The following KCNQ5 variants were observed in gnomAD, a reference collection of about 807,000 sequenced individuals.
The protein encoded by KCNQ5 is potassium voltage-gated channel subfamily Q member 5.
Under a neutral mutation model 98.2 loss-of-function variants are expected in KCNQ5, and 30 were observed. The ratio of observed to expected loss-of-function variants is 0.31; its 90% CI spans 0.23 to 0.41. The LOEUF is 0.41. Among genes scored for constraint, KCNQ5 ranks in the 10% least tolerant of loss-of-function variants. KCNQ5 has a pLI of 1.00. For missense variants in KCNQ5, 835 were observed against 1,182.5 expected (o/e 0.71, Z 4.31); for synonymous variants, 458 against 449.4 (o/e 1.02, Z -0.24).
chr6:72,982,900 T>C (rs976825055), intron 1 of KCNQ5, among the ~76,000 whole-genome samples: 1 of 152,224 alleles, frequency 6.6e-6, no homozygotes, highest in Non-Finnish European at 1.5e-5. Flanking sequence ...TGCTTGTCTG[T>C]AAAGGATTTT....
intron 6 of KCNQ5, among the ~76,000 whole-genome samples, chr6:73,105,741 GT>G (rs1177445294): frequency 6.6e-6 from 1 of 152,168 alleles, no homozygotes; most frequent in Non-Finnish European, 1.5e-5. Flanking sequence ...AGAGACAGAT[GT>G]GCACAATGGA....
chr6:73,182,935 A>C (rs554893886), intron 11 of KCNQ5, among the ~76,000 whole-genome samples: 39 of 152,320 alleles, frequency 2.6e-4, no homozygotes, highest in African/African-American at 8.9e-4. Flanking sequence ...AAAACATTAC[A>C]ATTACTGGAG....
At chr6:73,158,253 GA>G (rs796911060) in intron 10 of KCNQ5, 51 of 157,898 alleles carry the variant, frequency 3.2e-4, no homozygotes, top group African/African-American at 7.5e-4. Context: ...AATTTTGGAA[GA>G]TTTTTTTTTT....
intron 1 of KCNQ5, among the ~76,000 whole-genome samples, chr6:72,698,640 T>C (rs1768633822): frequency 1.7e-5 from 2 of 118,578 alleles, no homozygotes; most frequent in Non-Finnish European, 3.2e-5. Context: ...TGTTTTTTTC[T>C]TCTTCTTCTT....
At chr6:72,771,157 T>C (rs1327736536) in intron 1 of KCNQ5, among the ~76,000 whole-genome samples, 2 of 152,020 alleles carry the variant, frequency 1.3e-5, no homozygotes, top group Non-Finnish European at 2.9e-5. Flanking sequence ...GCTGTGTGCA[T>C]GCAGATTTAA....
intron 1 of KCNQ5, among the ~76,000 whole-genome samples, chr6:72,886,630 T>C (rs1258153421): frequency 6.6e-6 from 1 of 152,098 alleles, no homozygotes; most frequent in Non-Finnish European, 1.5e-5. Flanking sequence ...CCATACACAC[T>C]ATAGACAAAC....
Position 72,658,118 on chromosome 6 carries a change from A to C in KCNQ5, c.398+35531A>C, listed in dbSNP as rs116938819. ...TTTTGGGCTTAGAACATTGATAAAG[A>C]TTCAGTCTGAATTCCAAAATGTCTG... On this transcript the variant is annotated intron_variant, in intron 1 of 13. Transcript: ENST00000370398. Among the ~76,000 whole-genome samples the C allele has an allele frequency of 4.6e-5, 7 of 152,308 alleles. No homozygotes were observed. The East Asian group carries it at 7.7e-4, about 17-fold the overall frequency.
chr6:73,006,131 G>A (rs1390298220), intron 2 of KCNQ5, among the ~76,000 whole-genome samples: 1 of 152,056 alleles, frequency 6.6e-6, no homozygotes, highest in Non-Finnish European at 1.5e-5. Flanking sequence ...AGAAGATTTG[G>A]AAAAGTCAAT....
At chr6:73,098,937 G>A (rs7743974) in intron 5 of KCNQ5, among the ~76,000 whole-genome samples, 145,685 of 152,258 alleles carry the variant, frequency 0.96, 69,694 homozygotes, top group South Asian at 0.98. Context: ...AACTACAACA[G>A]CTTTTCAAGA....
rs148067463 is a variant in KCNQ5 at position 73,120,560 on chromosome 6, C to T, written c.1203C>T (p.His401=). 1.5e-5 allele frequency: 24 copies of T among 1,610,432 alleles called. No individual in the cohort carries two copies. The highest frequency in any genetic ancestry group is 2.7e-5 in the African/African-American group (2 of 74,872). The part of the protein sequence containing the change: ...ATWKPHLKAL[H]TCSPTKKEQG... ...GGAAGCCACACTTGAAGGCCTTGCA[C>T]ACCTGCAGCCCTACCAAGTAGGTAT... The change falls in exon 8 of 14, where the codon CAC becomes CAT. Residue 401 remains histidine, a synonymous_variant. Transcript: ENST00000370398.
chr6:73,124,428 G>T, intron 8 of KCNQ5, 58 bp from the exon 9 acceptor site: 1 of 1,560,826 alleles, frequency 6.4e-7, no homozygotes. Context: ...ATTATCAAGT[G>T]CTATAAATAT....
chr6:73,184,486 A>C (rs1778500809), intron 11 of KCNQ5, among the ~76,000 whole-genome samples: 1 of 152,242 alleles, frequency 6.6e-6, no homozygotes, highest in Admixed American at 6.5e-5. Context: ...GCCTTGTCAC[A>C]GAACACAAAC....
chr6:73,079,268 C>T (rs1357519569), intron 5 of KCNQ5, among the ~76,000 whole-genome samples: 1 of 152,182 alleles, frequency 6.6e-6, no homozygotes, highest in Admixed American at 6.5e-5. Context: ...ATGTCCATAT[C>T]GTTTTGGTTC....
chr6:72,831,144 G>C (rs552026194), intron 1 of KCNQ5, among the ~76,000 whole-genome samples: 6 of 152,150 alleles, frequency 3.9e-5, no homozygotes, highest in South Asian at 2.1e-4. Flanking sequence ...CTGTAAACTA[G>C]TTCTACCATT....
At position 73,188,982 on chromosome 6, in the gene KCNQ5, CAAAAA is replaced by C. The variant is rs67431655; in HGVS notation, c.1578-1572_1578-1568del. Reference sequence around the variant, plus strand: ...TGGGTGAAAGGGCGAGACTCTGTCTCAAAAAAAAAAAAAAAAAAAAAAAGACATCT... The same window carrying C: ...TGGGTGAAAGGGCGAGACTCTGTCTCAAAAAAAAAAAAAAAAAAGACATCT... On this transcript the variant is annotated intron_variant, in intron 11 of 13. Transcript: ENST00000370398. Among the ~76,000 whole-genome samples, 5 of 82,414 alleles carry C rather than the reference CAAAAA, an allele frequency of 6.1e-5. No homozygotes were observed. In the South Asian group the frequency reaches 2.2e-3, roughly 37 times the overall value. 54.1% of individuals were successfully genotyped at this position (82,414 alleles called of 152,430 possible). A position where few individuals can be genotyped will look rare whatever the true frequency, so the allele number is the denominator to read the frequency against.
rs58798764 is a variant in KCNQ5, at chr6:73,146,626, C to CAAAAAAAAAAAAAAAAAA, written c.1468+12995_1468+13012dup. Reference sequence around the variant, plus strand: ...TGGGCAACAGAACAAGTCCCTGTCTCAAAAAAAAAAAAAAAAAAAAAAAAA... The same window carrying CAAAAAAAAAAAAAAAAAA: ...TGGGCAACAGAACAAGTCCCTGTCTCAAAAAAAAAAAAAAAAAAAAAAAAAAAAAAAAAAAAAAAAAAA... On this transcript the variant is annotated intron_variant, in intron 10 of 13. Coordinates refer to ENST00000370398, the MANE Select transcript of KCNQ5 (RefSeq NM_019842.4). Among the ~76,000 whole-genome samples, 10 of 28,484 alleles carry CAAAAAAAAAAAAAAAAAA rather than the reference C, an allele frequency of 3.5e-4. 1 individual carries two copies. Among genetic ancestry groups the CAAAAAAAAAAAAAAAAAA allele is most frequent in the African/African-American group, 8.4e-4 (9 of 10,662 alleles). The allele number at this position is 28,484 out of a possible 152,430, so 18.7% of individuals were successfully genotyped here.
At chr6:72,755,159 T>C (rs150229712) in intron 1 of KCNQ5, among the ~76,000 whole-genome samples, 1 of 152,028 alleles carries the variant, frequency 6.6e-6, no homozygotes, top group Admixed American at 6.6e-5. Context: ...TCACTCCAGC[T>C]TTCTTTTGAT....
At chr6:72,769,356 A>G (rs1252515364) in intron 1 of KCNQ5, among the ~76,000 whole-genome samples, 1 of 152,130 alleles carries the variant, frequency 6.6e-6, no homozygotes, top group Non-Finnish European at 1.5e-5. Context: ...AAGTATCAAA[A>G]TAAATCTAAG....
intron 1 of KCNQ5, among the ~76,000 whole-genome samples, chr6:72,704,637 T>TAAA (rs75954842): frequency 2.3e-4 from 34 of 150,276 alleles, no homozygotes; most frequent in South Asian, 1.7e-3. Flanking sequence ...TTATAAATGA[T>TAAA]AAAAAAAAAA....
Sources: gnomAD v4.1 joint callset for allele counts (sites outside exome capture counted in the v4.1 genomes callset) on GRCh38, gnomAD v4.1.1 for gene constraint, MANE v1.5 for transcripts, NCBI Gene and HGNC (gene_info 2026-07-23, HGNC 2026-07-21) for gene names.